ANO1: variants seen among roughly 807,000 people sequenced by gnomAD.
ANO1 encodes the protein anoctamin 1, also known as anoctamin-1.
A neutral mutation model predicts 124.0 loss-of-function variants in ANO1; 59 were observed. The observed-to-expected ratio is 0.48, with a 90% CI of 0.39 to 0.59. The LOEUF is 0.59. ANO1 is among the 20% of genes least tolerant of loss of function. ANO1 has a pLI of 0.00. For missense variants in ANO1, 1,059 were observed against 1,328.0 expected, an observed-to-expected ratio of 0.80 and a Z score of 3.15; for synonymous variants, 529 against 532.0, an observed-to-expected ratio of 0.99 and a Z score of 0.08.
chr11:70,019,331 CGCACACACACAT>C (rs1856760581), intron 1 of ANO1, among the ~76,000 whole-genome samples: 3 of 150,188 alleles, frequency 2.0e-5, no homozygotes, highest in Admixed American at 1.4e-4. Context: ...CACACACGCA[CGCACACACACAT>C]GCACACACGC....
At chr11:70,030,562 C>T (rs1856982674) in intron 1 of ANO1, among the ~76,000 whole-genome samples, 1 of 152,222 alleles carries the variant, frequency 6.6e-6, no homozygotes, top group African/African-American at 2.4e-5. Flanking sequence ...CCAGATTCTG[C>T]TGGTGTCAGC....
At chr11:69,968,193 A>G in the ANO1 span, among the ~76,000 whole-genome samples, 20,174 of 152,082 alleles carry the variant, frequency 0.13, 1,637 homozygotes, top group East Asian at 0.38. Flanking sequence ...ACTGGCTGGA[A>G]CGTCCTCTCC....
upstream of ANO1, among the ~76,000 whole-genome samples, chr11:70,073,935 A>G (rs1332673196): frequency 6.7e-6 from 1 of 148,538 alleles, no homozygotes; most frequent in Non-Finnish European, 1.5e-5. Flanking sequence ...CCCGCCGTCA[A>G]GCTGCGGTTG....
At chr11:70,155,227 C>T (rs1028672275) in intron 14 of ANO1, among the ~76,000 whole-genome samples, 6 of 152,234 alleles carry the variant, frequency 3.9e-5, no homozygotes, top group African/African-American at 1.4e-4. Flanking sequence ...GCCACAACAG[C>T]GAATCTGGGC....
chr11:70,025,841 G>A (rs548286449), intron 1 of ANO1, among the ~76,000 whole-genome samples: 1,709 of 148,814 alleles, frequency 0.011, 12 homozygotes, highest in Non-Finnish European at 0.02. Flanking sequence ...TGGTGATGAT[G>A]ATGATGGTGG....
At chr11:69,985,854 G>C (rs1554996805), upstream of ANO1, 1 of 152,230 alleles carries the variant, frequency 6.6e-6, no homozygotes, top group East Asian at 1.9e-4. Flanking sequence ...GGGGTGGGGA[G>C]GTCTGCCCGG....
rs1052145000 is a variant in ANO1 at position 70,171,120 on chromosome 11, A to G, written c.2350+81A>G. ...AGGGGGTTGCTCCTCTCCAGAAGCT[A>G]GAGCCAGAGCTGGCCAGGTGTCCCT... On this transcript the variant is annotated intron_variant, in intron 22 of 25. Transcript: ENST00000355303. The G allele has an allele frequency of 3.3e-6, 5 of 1,514,280 alleles. No individual in the cohort carries two copies. The African/African-American group carries it at 5.5e-5, about 17-fold the overall frequency. The allele number at this position is 1,514,280 out of a possible 1,614,324, so 93.8% of individuals were successfully genotyped here.
intron 13 of ANO1, among the ~76,000 whole-genome samples, chr11:70,152,842 A>G (rs1308081916): frequency 6.6e-6 from 1 of 152,208 alleles, no homozygotes; most frequent in East Asian, 1.9e-4. Context: ...TGGCCCTCCC[A>G]ATGGGCTGGG....
rs1168022913 is a variant in ANO1 at position 70,010,177 on chromosome 11, G to GTATATATATATATATATATATA, written c.58+24012_58+24013insATATATATATATATATATATAT. Among the ~76,000 whole-genome samples the GTATATATATATATATATATATA allele has an allele frequency of 9.9e-4, 54 of 54,474 alleles. 1 individual carries two copies. Among genetic ancestry groups the GTATATATATATATATATATATA allele is most frequent in the African/African-American group, 3.0e-3 (52 of 17,618 alleles). 35.7% of individuals were successfully genotyped at this position (54,474 alleles called of 152,430 possible). ...TGTGTGTGTGTGTGCGCGTGTGTGT[G>GTATATATATATATATATATATA]TGTATATATATATATATATATCACA... On this transcript the variant is annotated intron_variant, in intron 1 of 27. Transcript: ENST00000531349.
chr11:69,995,324 C>G (rs1856248908), intron 1 of ANO1, among the ~76,000 whole-genome samples: 1 of 152,076 alleles, frequency 6.6e-6, no homozygotes, highest in African/African-American at 2.4e-5. Context: ...GTCTTGAACT[C>G]CTGACCTTGT....
chr11:70,160,642 C>T (rs2048005289), intron 16 of ANO1, among the ~76,000 whole-genome samples: 1 of 152,194 alleles, frequency 6.6e-6, no homozygotes, highest in African/African-American at 2.4e-5. Context: ...CAGGGGAGTC[C>T]CTGGGAGGTG....
At chr11:70,145,435 G>A (rs568311192) in intron 11 of ANO1, among the ~76,000 whole-genome samples, 111 of 152,282 alleles carry the variant, frequency 7.3e-4, no homozygotes, top group Non-Finnish European at 1.3e-3. Context: ...AGCAGGAAAT[G>A]CATAATTTTT....
intron 2 of ANO1, among the ~76,000 whole-genome samples, chr11:70,094,633 C>T (rs1231342473): frequency 6.6e-6 from 1 of 152,182 alleles, no homozygotes; most frequent in South Asian, 2.1e-4. Flanking sequence ...TTGAACCTGG[C>T]CCCTAACCTC....
chr11:70,183,890 G>A (rs1335154572), intron 24 of ANO1, among the ~76,000 whole-genome samples: 1 of 152,236 alleles, frequency 6.6e-6, no homozygotes, highest in Non-Finnish European at 1.5e-5. Flanking sequence ...ATAGTAGTTG[G>A]TCAATAAATG....
upstream of ANO1, among the ~76,000 whole-genome samples, chr11:69,983,357 A>G (rs779914147): frequency 4.4e-4 from 67 of 152,086 alleles, no homozygotes; most frequent in Non-Finnish European, 5.4e-4. Context: ...AAAAAGGGAA[A>G]CCATTTTTCT....
chr11:70,161,822 C>T, intron 18 of ANO1, 89 bp downstream of exon 18: 1 of 1,325,726 alleles, frequency 7.5e-7, no homozygotes, highest in African/African-American at 1.4e-5. Context: ...GCACCTGGAG[C>T]CCAGGGCAGG....
intron 1 of ANO1, among the ~76,000 whole-genome samples, chr11:70,030,784 G>A (rs577988104): frequency 1.3e-5 from 2 of 152,312 alleles, no homozygotes; most frequent in African/African-American, 4.8e-5. Context: ...CTGAGGATGG[G>A]AACATGGACA....
chr11:70,114,720 G>A (rs757481524), intron 7 of ANO1, among the ~76,000 whole-genome samples: 35 of 152,146 alleles, frequency 2.3e-4, no homozygotes, highest in Non-Finnish European at 4.4e-4. Flanking sequence ...CCAACATGGC[G>A]AAACCTCATC....
At chr11:70,029,168 C>T (rs11237212) in intron 1 of ANO1, among the ~76,000 whole-genome samples, 70,039 of 152,038 alleles carry the variant, frequency 0.46, 16,958 homozygotes, top group East Asian at 0.77. Flanking sequence ...ACAAGCTTCA[C>T]TGGGGTGATG....
Sources: allele counts gnomAD v4.1 joint callset (sites outside exome capture counted in the v4.1 genomes callset), GRCh38; gene constraint gnomAD v4.1.1; transcripts MANE v1.5; gene names NCBI Gene and HGNC (gene_info 2026-07-23, HGNC 2026-07-21).